Variants in TRIM37 observed in about 807,000 individuals in gnomAD.
The protein encoded by TRIM37 is tripartite motif containing 37, also known as E3 ubiquitin-protein ligase TRIM37.
In TRIM37, 80 loss-of-function variants were observed where a neutral mutation model predicts 129.8. That is an observed-to-expected ratio of 0.62 (90% confidence interval 0.51 to 0.74). The LOEUF is 0.74. TRIM37 is among the 30% of genes least tolerant of loss of function. The probability of loss-of-function intolerance (pLI) is 0.00; values close to 1 mark genes in which losing one functional copy is unlikely to be tolerated. For synonymous variants in TRIM37, 389 were observed against 387.1 expected, an observed-to-expected ratio of 1.00 and a Z score of -0.06; for missense variants, 1,054 against 1,176.5, an observed-to-expected ratio of 0.90 and a Z score of 1.52.
At chr17:59,032,923 A>C (rs996956032) in intron 17 of TRIM37, among the ~76,000 whole-genome samples, 1 of 152,174 alleles carries the variant, frequency 6.6e-6, no homozygotes, top group Admixed American at 6.5e-5. Flanking sequence ...TTGGACTGTC[A>C]TGTTAATGAC....
intron 24 of TRIM37, chr17:58,983,217 C>T: frequency 3.6e-6 from 1 of 280,244 alleles, no homozygotes; most frequent in Non-Finnish European, 6.7e-6. Context: ...TAGCTCTCTA[C>T]AAAATAAAGC....
chr17:59,097,383 A>T (rs1201550875), intron 2 of TRIM37, among the ~76,000 whole-genome samples: 1 of 152,212 alleles, frequency 6.6e-6, no homozygotes, highest in Non-Finnish European at 1.5e-5. Context: ...ATCTGTAAAA[A>T]TCCCTAAAGA....
At chr17:58,974,149 T>C in the TRIM37 span, among the ~76,000 whole-genome samples, 1 of 151,936 alleles carries the variant, frequency 6.6e-6, no homozygotes, top group Non-Finnish European at 1.5e-5. Flanking sequence ...CAAAAAATCA[T>C]AGTGTTTCTC....
rs531762938 is a variant in TRIM37 at position 59,045,369 on chromosome 17, G to C, written c.1667+2314C>G. Among the ~76,000 whole-genome samples the C allele has an allele frequency of 2.1e-3, 315 of 151,942 alleles. 1 individual carries two copies. Among genetic ancestry groups the C allele is most frequent in the Non-Finnish European group, 3.5e-3 (235 of 67,944 alleles). On this transcript the variant is annotated intron_variant, in intron 16 of 23. Transcript: ENST00000262294. The stretch of plus-strand genomic sequence containing the variant: ...AAAAAAAAAATTACGGCTGGGCGAA[G>C]TGGATCACACCTGTAATTCCAGCAC...
At chr17:59,007,231 C>CACACACACACACACACA (rs2034642263) in intron 22 of TRIM37, among the ~76,000 whole-genome samples, 2 of 97,500 alleles carry the variant, frequency 2.1e-5, no homozygotes, top group Middle Eastern at 4.5e-3. Context: ...CCCCACCCAC[C>CACACACACACACACACA]CACACACACA....
chr17:59,035,681 A>G (rs554647286), intron 17 of TRIM37, among the ~76,000 whole-genome samples: 3 of 152,088 alleles, frequency 2.0e-5, no homozygotes, highest in Admixed American at 6.5e-5. Flanking sequence ...CAGGAGGCAG[A>G]GGTTGCAGTG....
At position 59,059,891 on chromosome 17, in the gene TRIM37, G is replaced by A. The variant is rs145274235; in HGVS notation, c.1019+1141C>T. Among the ~76,000 whole-genome samples, 68 of 152,176 alleles carry A rather than the reference G, an allele frequency of 4.5e-4. 1 individual carries two copies. The East Asian group carries it at 7.3e-3, about 16-fold the overall frequency. ...CCCATGAATTATAAATTTCTCCACC[G>A]TGGCAGGTTGCAATAGACACAGTTC... On this transcript the variant is annotated intron_variant, in intron 12 of 23. Coordinates refer to ENST00000262294, the MANE Select transcript of TRIM37 (RefSeq NM_015294.6).
chr17:59,104,270 A>C, intron 2 of TRIM37, 23 bp downstream of exon 2: 1 of 1,578,984 alleles, frequency 6.3e-7, no homozygotes, highest in Non-Finnish European at 8.7e-7. Context: ...TACTAACTGC[A>C]TGTAAAAAGA....
In TRIM37 at chr17:59,079,889, A is replaced by G. The variant is rs2043122120; in HGVS notation, c.493-12T>C. ...TCTACATTCCTTTCCTAGAAGATAA[A>G]GAGGTAAGAATAATTTTAATTGGGT... is the stretch of plus-strand genomic sequence containing the variant. On this transcript the variant is annotated splice_polypyrimidine_tract_variant and intron_variant, in intron 6 of 23. Transcript: ENST00000262294. The G allele has an allele frequency of 6.2e-7, 1 of 1,613,328 alleles. No individual in the cohort carries two copies. Among genetic ancestry groups the G allele is most frequent in the African/African-American group, 1.3e-5 (1 of 75,018 alleles).
the TRIM37 span, among the ~76,000 whole-genome samples, chr17:58,972,507 C>T: frequency 6.6e-5 from 10 of 152,168 alleles, no homozygotes; most frequent in South Asian, 4.2e-4. Flanking sequence ...TGTGCCACCA[C>T]GCCCAGCTAA....
intron 5 of TRIM37, among the ~76,000 whole-genome samples, chr17:59,081,464 A>C (rs917807746): frequency 1.3e-5 from 2 of 152,212 alleles, no homozygotes; most frequent in African/African-American, 4.8e-5. Flanking sequence ...AAATTAACTT[A>C]TTAAAAAGAA....
At chr17:59,075,396 T>C (rs1045793948) in intron 8 of TRIM37, among the ~76,000 whole-genome samples, 2 of 151,848 alleles carry the variant, frequency 1.3e-5, no homozygotes, top group African/African-American at 4.8e-5. Flanking sequence ...ACCCCGTCTC[T>C]ACTGAAAATA....
intron 19 of TRIM37, among the ~76,000 whole-genome samples, chr17:59,019,199 G>A (rs2036288996): frequency 6.6e-6 from 1 of 152,138 alleles, no homozygotes; most frequent in South Asian, 2.1e-4. Flanking sequence ...ACTTGTACAT[G>A]AACGTTCATA....
intron 17 of TRIM37, among the ~76,000 whole-genome samples, chr17:59,037,615 T>C (rs933589542): frequency 8.1e-5 from 12 of 148,392 alleles, no homozygotes; most frequent in African/African-American, 3.0e-4. Flanking sequence ...TTTATTTTAG[T>C]ATAGTTTTAG....
intron 18 of TRIM37, among the ~76,000 whole-genome samples, chr17:59,031,674 A>G (rs1240067792): frequency 6.6e-6 from 1 of 152,260 alleles, no homozygotes; most frequent in Admixed American, 6.5e-5. Context: ...CAAGTCACAA[A>G]AAACCTTCTT....
chr17:59,071,533 C>T (rs2042366924), intron 8 of TRIM37, among the ~76,000 whole-genome samples: 4 of 152,224 alleles, frequency 2.6e-5, no homozygotes, highest in African/African-American at 9.6e-5. Context: ...GATCCACCTG[C>T]CTCGGCCTCC....
chr17:59,007,769 A>G lies in TRIM37; in HGVS notation c.2695+4559T>C, dbSNP rs548054337. ...CTATTTATGTTCATATCTAAGAAAA[A>G]AGTTATTTTTAAACTGATGCTTAAG... On this transcript the variant is annotated intron_variant, in intron 22 of 23. Transcript: ENST00000262294. Among the ~76,000 whole-genome samples, 2 of 152,320 alleles carry G rather than the reference A, an allele frequency of 1.3e-5. 1 individual carries two copies. Among genetic ancestry groups the G allele is most frequent in the South Asian group, 4.1e-4 (2 of 4,826 alleles).
rs57582105 is a variant in TRIM37 at position 59,016,599 on chromosome 17, CAAAAAAAA to C, written c.2386+689_2386+696del. Among the ~76,000 whole-genome samples the C allele has an allele frequency of 7.7e-4, 16 of 20,756 alleles. No homozygotes were observed. In the East Asian group the frequency reaches 0.025, roughly 32 times the overall value. The allele number at this position is 20,756 out of a possible 152,430, so 13.6% of individuals were successfully genotyped here. ...ACAATGTAGCAAAACCCTGTCTCGG[CAAAAAAAA>C]AAAAAAAAAAAAAAAAAAAAAAAGC... On this transcript the variant is annotated intron_variant, in intron 20 of 23. Coordinates refer to ENST00000262294, the MANE Select transcript of TRIM37 (RefSeq NM_015294.6).
At chr17:59,075,947 A>T (rs1254161866) in intron 7 of TRIM37, among the ~76,000 whole-genome samples, 2 of 152,242 alleles carry the variant, frequency 1.3e-5, no homozygotes, top group Admixed American at 6.5e-5. Context: ...TACCACTGAG[A>T]TCAAATTCAT....
Sources: gnomAD v4.1 joint callset for allele counts (sites outside exome capture counted in the v4.1 genomes callset) on GRCh38, gnomAD v4.1.1 for gene constraint, MANE v1.5 for transcripts, NCBI Gene and HGNC (gene_info 2026-07-23, HGNC 2026-07-21) for gene names.